The following PTPRM variants were observed in gnomAD, a reference collection of about 807,000 sequenced individuals.
The protein encoded by PTPRM is protein tyrosine phosphatase receptor type M.
A neutral mutation model predicts 186.7 loss-of-function variants in PTPRM; 47 were observed. The ratio of observed to expected loss-of-function variants is 0.25; its 90% confidence interval spans 0.20 to 0.32. The LOEUF (loss-of-function observed/expected upper bound fraction) is 0.32. Ranked by LOEUF, PTPRM falls within the 10% of genes least tolerant of loss-of-function variation. The pLI is 1.00. For missense variants in PTPRM, 1,494 were observed against 1,865.0 expected (o/e 0.80, Z 3.66); for synonymous variants, 668 against 674.9 (o/e 0.99, Z 0.16).
intron 14 of PTPRM, among the ~76,000 whole-genome samples, chr18:8,228,841 G>A (rs922030845): frequency 2.0e-5 from 3 of 152,054 alleles, no homozygotes; most frequent in Non-Finnish European, 4.4e-5. Flanking sequence ...GACACAGCAA[G>A]ACTCCGTCTC....
chr18:7,987,726 A>G (rs962817564), intron 7 of PTPRM, among the ~76,000 whole-genome samples: 1 of 152,224 alleles, frequency 6.6e-6, no homozygotes, highest in Admixed American at 6.5e-5. Flanking sequence ...ATTAAATCAC[A>G]TCTAATTTTA....
intron 1 of PTPRM, among the ~76,000 whole-genome samples, chr18:7,617,456 TA>T (rs1191295849): frequency 3.4e-4 from 52 of 152,180 alleles, no homozygotes; most frequent in Admixed American, 6.5e-4. Flanking sequence ...GTAAGCTCTT[TA>T]AAGGCATAAC....
intron 1 of PTPRM, among the ~76,000 whole-genome samples, chr18:7,733,292 G>A (rs1449586297): frequency 6.6e-6 from 1 of 152,006 alleles, no homozygotes; most frequent in Admixed American, 6.5e-5. Context: ...TGGTTTCCAT[G>A]TGTTCTCATT....
intron 4 of PTPRM, 55 bp downstream of exon 4, chr18:7,906,638 T>A: frequency 7.4e-7 from 1 of 1,356,134 alleles, no homozygotes. Flanking sequence ...CATGTTTACA[T>A]TATGAATGAA....
chr18:7,800,354 T>C (rs1338761621), intron 2 of PTPRM, among the ~76,000 whole-genome samples: 1 of 152,160 alleles, frequency 6.6e-6, no homozygotes, highest in African/African-American at 2.4e-5. Flanking sequence ...TAAATTCATG[T>C]TTTTCCTCCA....
intron 11 of PTPRM, among the ~76,000 whole-genome samples, chr18:8,099,170 T>C (rs761579099): frequency 6.6e-6 from 1 of 151,862 alleles, no homozygotes; most frequent in Non-Finnish European, 1.5e-5. Context: ...TCTCTCTCTC[T>C]TTCTCTCACT....
intron 13 of PTPRM, among the ~76,000 whole-genome samples, chr18:8,126,025 A>ATTTTT (rs1215694977): frequency 0.021 from 1,193 of 57,142 alleles, 75 homozygotes; most frequent in Non-Finnish European, 0.028. Context: ...ATATATATAT[A>ATTTTT]TATTTTAAAT....
chr18:8,037,470 A>G (rs2086405440), intron 7 of PTPRM, among the ~76,000 whole-genome samples: 1 of 152,178 alleles, frequency 6.6e-6, no homozygotes. Flanking sequence ...CTGATTCAAC[A>G]TCTTAAGTGT....
intron 7 of PTPRM, among the ~76,000 whole-genome samples, chr18:7,978,943 C>A (rs557354982): frequency 1.3e-4 from 20 of 152,194 alleles, no homozygotes; most frequent in African/African-American, 4.6e-4. Context: ...CACCATGGAG[C>A]TGACAGAACT....
chr18:7,697,388 A>G (rs2039867803), intron 1 of PTPRM, among the ~76,000 whole-genome samples: 1 of 152,164 alleles, frequency 6.6e-6, no homozygotes, highest in South Asian at 2.1e-4. Flanking sequence ...ATCCTAGACT[A>G]TAAACAAACA....
At chr18:8,284,346 G>A (rs991497550) in intron 19 of PTPRM, among the ~76,000 whole-genome samples, 8 of 152,110 alleles carry the variant, frequency 5.3e-5, no homozygotes, top group African/African-American at 1.9e-4. Flanking sequence ...TTCTTGAACT[G>A]GGGCCAGCTC....
chr18:7,617,185 G>C (rs1398331080), intron 1 of PTPRM, among the ~76,000 whole-genome samples: 1 of 152,174 alleles, frequency 6.6e-6, no homozygotes, highest in East Asian at 1.9e-4. Context: ...GAAGTGCCGA[G>C]ATCATTATTC....
chr18:7,805,046 G>T (rs547323850), intron 2 of PTPRM, among the ~76,000 whole-genome samples: 1 of 152,212 alleles, frequency 6.6e-6, no homozygotes, highest in Non-Finnish European at 1.5e-5. Flanking sequence ...TTCCCTGATT[G>T]GCTTTATTTA....
chr18:8,154,244 G>A (rs552085740), intron 14 of PTPRM, among the ~76,000 whole-genome samples: 19 of 152,160 alleles, frequency 1.2e-4, no homozygotes, highest in Non-Finnish European at 2.6e-4. Context: ...CCTCGGGTGT[G>A]GATTTCAATA....
At chr18:7,708,994 A>T (rs2040155248) in intron 1 of PTPRM, among the ~76,000 whole-genome samples, 1 of 152,148 alleles carries the variant, frequency 6.6e-6, no homozygotes, top group African/African-American at 2.4e-5. Flanking sequence ...TTCTTTTTAT[A>T]GATGCTGAAA....
chr18:8,104,314 T>C (rs1437813173), intron 11 of PTPRM, among the ~76,000 whole-genome samples: 5 of 152,256 alleles, frequency 3.3e-5, no homozygotes. Flanking sequence ...CCTTTGTTTC[T>C]ATATTATGAT....
chr18:7,875,872 C>A (rs2048215520), intron 2 of PTPRM, among the ~76,000 whole-genome samples: 1 of 152,006 alleles, frequency 6.6e-6, no homozygotes, highest in African/African-American at 2.4e-5. Flanking sequence ...AGTGCACTTA[C>A]ACAAATCGAG....
intron 20 of PTPRM, among the ~76,000 whole-genome samples, chr18:8,301,914 G>T (rs980109876): frequency 6.6e-6 from 1 of 152,244 alleles, no homozygotes; most frequent in Non-Finnish European, 1.5e-5. Flanking sequence ...ACTTGAAACA[G>T]GTGAGAAGAC....
chr18:7,677,643 G>A (rs1320896488), intron 1 of PTPRM, among the ~76,000 whole-genome samples: 1 of 152,128 alleles, frequency 6.6e-6, no homozygotes, highest in Non-Finnish European at 1.5e-5. Context: ...GGCATGGAGA[G>A]CCTTCTTCCA....
Sources: allele counts gnomAD v4.1 joint callset (sites outside exome capture counted in the v4.1 genomes callset), GRCh38; gene constraint gnomAD v4.1.1; transcripts MANE v1.5; gene names NCBI Gene and HGNC (gene_info 2026-07-23, HGNC 2026-07-21).